RANGAP1: variants seen among roughly 807,000 people sequenced by gnomAD.
The protein encoded by RANGAP1 is ran GTPase-activating protein 1.
A neutral mutation model predicts 63.5 loss-of-function variants in RANGAP1; 38 were observed. That is an observed-to-expected ratio of 0.60 (90% CI 0.46 to 0.78). The LOEUF is 0.78. RANGAP1 is among the 30% of genes least tolerant of loss of function. The pLI, the probability that RANGAP1 is intolerant of heterozygous loss-of-function variation, is 0.00. For missense variants in RANGAP1, 630 were observed against 740.3 expected, an observed-to-expected ratio of 0.85 and a Z score of 1.73; for synonymous variants, 329 against 310.5, an observed-to-expected ratio of 1.06 and a Z score of -0.63.
At chr22:41,255,995 C>T (rs747112805) in intron 10 of RANGAP1, 26 bp downstream of exon 10, 2 of 1,606,916 alleles carry the variant, frequency 1.2e-6, no homozygotes, top group East Asian at 4.5e-5. Flanking sequence ...TGACCCCGAC[C>T]TCTGGGGCCA....
Position 41,274,690 on chromosome 22 carries a change from G to T in RANGAP1, c.150C>A (p.Ser50Arg). ...DVIKEIEDFD[S>R]LEALRLEGNT... ...TGCCTTCCAGACGCAGAGCCTCCAA[G>T]CTGTCAAAGTCTTCAATCTCTTTAA... Residue 50 changes from serine to arginine, a missense_variant, in exon 3 of 16, where the codon AGC (serine) becomes AGA (arginine). Physicochemically the swap from Ser to Arg is moderately radical, Grantham distance 110 (BLOSUM62 -1). Transcript: ENST00000356244. The T allele has an allele frequency of 6.2e-7, 1 of 1,614,150 alleles. No individual in the cohort carries two copies. The highest frequency in any genetic ancestry group is 1.1e-5 in the South Asian group (1 of 91,088).
chr22:41,277,889 A>C (rs901071789), intron 2 of RANGAP1, among the ~76,000 whole-genome samples: 3 of 152,154 alleles, frequency 2.0e-5, no homozygotes, highest in African/African-American at 7.2e-5. Flanking sequence ...TTACCTGGGT[A>C]TATCATTCCT....
the RANGAP1 span, among the ~76,000 whole-genome samples, chr22:41,302,181 C>T: frequency 6.6e-6 from 1 of 152,020 alleles, no homozygotes; most frequent in African/African-American, 2.4e-5. This position sits in a 1 kb window ranked among gnomAD's most constrained non-coding sequence, Gnocchi z 5.7. Flanking sequence ...CAGGGGGTCT[C>T]GGGGGCTGGC....
the RANGAP1 span, among the ~76,000 whole-genome samples, chr22:41,292,771 C>T: frequency 1.3e-5 from 2 of 151,864 alleles, no homozygotes; most frequent in African/African-American, 2.4e-5. Context: ...ATAAATAATC[C>T]TCTTGTTCCA....
At position 41,264,705 on chromosome 22, in the gene RANGAP1, G is replaced by T. The variant is rs1479484353; in HGVS notation, c.439C>A (p.Leu147Ile). The change falls in exon 5 of 16, where the codon CTC (leucine) becomes ATC (isoleucine). Residue 147 changes from leucine (L) to isoleucine (I), a missense_variant. Around this residue, in one of 3 missense-constraint regions of RANGAP1, gnomAD observed 137 missense variants for 214.3 expected, o/e 0.64. Coordinates refer to ENST00000356244, the MANE Select transcript of RANGAP1 (RefSeq NM_002883.4). Reference protein sequence around the residue: ...KSSACFTLQELKLNNCGMGIG... With the variant: ...KSSACFTLQEIKLNNCGMGIG... ...CCCATGCCACAGTTGTTGAGCTTGAGTTCCTGCAGGGTGAAGCAGGCTGAG... is the reference window on the plus strand; with the variant it reads ...CCCATGCCACAGTTGTTGAGCTTGATTTCCTGCAGGGTGAAGCAGGCTGAG... 1.2e-6 allele frequency: 2 copies of T among 1,613,816 alleles called. No homozygotes were observed. The highest frequency in any genetic ancestry group is 1.7e-6 in the Non-Finnish European group (2 of 1,179,690).
At chr22:41,283,971 G>C (rs564612533) in intron 1 of RANGAP1, among the ~76,000 whole-genome samples, 4 of 152,204 alleles carry the variant, frequency 2.6e-5, no homozygotes, top group Non-Finnish European at 5.9e-5. Context: ...GGCCAGGGCC[G>C]GGCGCAAAGG....
intron 6 of RANGAP1, among the ~76,000 whole-genome samples, chr22:41,258,598 A>G (rs1434105747): frequency 6.6e-6 from 1 of 152,130 alleles, no homozygotes; most frequent in African/African-American, 2.4e-5. Context: ...CAGCCCTATC[A>G]CAGCCTGGCC....
At chr22:41,277,095 T>C (rs2035193451) in intron 2 of RANGAP1, among the ~76,000 whole-genome samples, 1 of 133,592 alleles carries the variant, frequency 7.5e-6, no homozygotes, top group Non-Finnish European at 1.6e-5. Flanking sequence ...TTTTTTTTTT[T>C]GAGACGGAGT....
At chr22:41,285,324 A>G (rs1452871212) in intron 1 of RANGAP1, 1 of 218,448 alleles carries the variant, frequency 4.6e-6, no homozygotes, top group African/African-American at 2.3e-5. Context: ...TCCTCAGTCC[A>G]AGAGAGAGCG....
chr22:41,248,842 C>T (rs1220960678), intron 15 of RANGAP1, among the ~76,000 whole-genome samples: 1 of 152,216 alleles, frequency 6.6e-6, no homozygotes, highest in Non-Finnish European at 1.5e-5. Context: ...TTTGGCAGCT[C>T]CCGTGGCAAT....
upstream of RANGAP1, among the ~76,000 whole-genome samples, chr22:41,288,766 A>G (rs548608610): frequency 9.2e-5 from 14 of 151,380 alleles, no homozygotes; most frequent in South Asian, 2.5e-3. Flanking sequence ...GGGAGGTAAC[A>G]GGAAGTCATG....
At chr22:41,260,675 C>T (rs940229820) in intron 6 of RANGAP1, among the ~76,000 whole-genome samples, 1 of 152,118 alleles carries the variant, frequency 6.6e-6, no homozygotes, top group African/African-American at 2.4e-5. Context: ...GGTAAAACCC[C>T]GTCTCTAATA....
At chr22:41,288,464 C>T (rs956008938), upstream of RANGAP1, among the ~76,000 whole-genome samples, 5 of 152,154 alleles carry the variant, frequency 3.3e-5, no homozygotes, top group African/African-American at 4.8e-5. Context: ...GTCGGGTTAC[C>T]GGATGTTTGC....
At chr22:41,246,732 G>A (rs2033061701) in intron 15 of RANGAP1, 60 bp from the exon 16 acceptor site, 1 of 1,434,334 alleles carries the variant, frequency 7.0e-7, no homozygotes, top group Non-Finnish European at 9.6e-7. Context: ...TTCCAAGTGT[G>A]GGGGCCATTT....
At chr22:41,249,178 G>C (rs747632553) in intron 15 of RANGAP1, 152 bp downstream of exon 15, 1 of 1,126,144 alleles carries the variant, frequency 8.9e-7, no homozygotes, top group Non-Finnish European at 1.2e-6. Flanking sequence ...CAGATGCTGA[G>C]AGCCCAGGAG....
chr22:41,255,805 G>A (rs768312218), intron 10 of RANGAP1, among the ~76,000 whole-genome samples: 1 of 151,930 alleles, frequency 6.6e-6, no homozygotes, highest in African/African-American at 2.4e-5. Context: ...AACAAATAAA[G>A]GGGCCAGGTG....
At position 41,256,098 on chromosome 22, in the gene RANGAP1, G is replaced by C; in HGVS notation, c.996C>G (p.Thr332=). The change falls in exon 10 of 16, where the codon ACC becomes ACG. Residue 332 remains threonine (T), a synonymous_variant. Coordinates refer to ENST00000356244, the MANE Select transcript of RANGAP1 (RefSeq NM_002883.4). ...ELEKLDLNGN[T]LGEEGCEQLQ... ...GCTGTTCACAGCCTTCTTCTCCCAG[G>C]GTGTTGCCTGCTCAAGGGGAGGGAA... is the stretch of plus-strand genomic sequence containing the variant. The C allele has an allele frequency of 1.9e-6, 3 of 1,614,094 alleles. No individual in the cohort carries two copies. In the East Asian group the frequency reaches 6.7e-5, roughly 36 times the overall value.
chr22:41,264,579 G>T, intron 5 of RANGAP1, 85 bp downstream of exon 5: 1 of 1,441,076 alleles, frequency 6.9e-7, no homozygotes, highest in Non-Finnish European at 9.3e-7. Context: ...CATCCCAGAT[G>T]GTGGTGGCCA....
At chr22:41,273,762 A>G (rs1170006497) in intron 3 of RANGAP1, among the ~76,000 whole-genome samples, 1 of 100,654 alleles carries the variant, frequency 9.9e-6, no homozygotes, top group African/African-American at 4.2e-5. Context: ...GTGAGACTCC[A>G]TCTCAAAAAA....
Sources: allele counts gnomAD v4.1 joint callset (sites outside exome capture counted in the v4.1 genomes callset), GRCh38; gene constraint gnomAD v4.1.1; regional missense constraint gnomAD v4.1.1; non-coding constraint Gnocchi (gnomAD v3.1); transcripts MANE v1.5; gene names NCBI Gene and HGNC (gene_info 2026-07-23, HGNC 2026-07-21).